Variants in TMEM132C observed in about 807,000 individuals in gnomAD.
TMEM132C encodes the protein transmembrane protein 132C.
In TMEM132C, 29 loss-of-function variants were observed where a neutral mutation model predicts 61.4. That is an observed-to-expected ratio of 0.47 (90% confidence interval 0.35 to 0.64). The LOEUF (loss-of-function observed/expected upper bound fraction) is 0.64, where lower values mean the gene tolerates loss of function less well. Ranked by LOEUF, TMEM132C falls within the 30% of genes least tolerant of loss-of-function variation. The pLI is 0.00. For missense variants in TMEM132C, 1,408 were observed against 1,476.9 expected, an observed-to-expected ratio of 0.95 and a Z score of 0.76; for synonymous variants, 656 against 633.1, an observed-to-expected ratio of 1.04 and a Z score of -0.54.
At chr12:128,555,050 C>T (rs1326432005) in intron 3 of TMEM132C, among the ~76,000 whole-genome samples, 1 of 152,172 alleles carries the variant, frequency 6.6e-6, no homozygotes, top group Non-Finnish European at 1.5e-5. Context: ...TCCCCAAGCT[C>T]CTTAATTCAA....
intron 2 of TMEM132C, among the ~76,000 whole-genome samples, chr12:128,435,356 A>G (rs935720565): frequency 2.6e-5 from 4 of 152,194 alleles, no homozygotes; most frequent in African/African-American, 4.8e-5. Context: ...GAGGAAGTCA[A>G]ATTGTCCCTG....
chr12:128,317,417 A>G (rs141241946), intron 1 of TMEM132C, among the ~76,000 whole-genome samples: 5 of 152,376 alleles, frequency 3.3e-5, no homozygotes, highest in African/African-American at 1.2e-4. Context: ...ATGATGAAAC[A>G]TGAAGGAAGA....
chr12:128,304,847 G>A (rs1871716197), intron 1 of TMEM132C, among the ~76,000 whole-genome samples: 1 of 152,174 alleles, frequency 6.6e-6, no homozygotes, highest in Admixed American at 6.5e-5. Context: ...GTTAGGAAAG[G>A]CTTTTTTGAT....
chr12:128,566,887 C>T (rs1874722428), intron 3 of TMEM132C, among the ~76,000 whole-genome samples: 1 of 152,180 alleles, frequency 6.6e-6, no homozygotes, highest in South Asian at 2.1e-4. Context: ...TAGCATCCAC[C>T]ACCTACAGTT....
intron 2 of TMEM132C, among the ~76,000 whole-genome samples, chr12:128,521,596 C>T (rs1872909322): frequency 6.6e-6 from 1 of 152,092 alleles, no homozygotes; most frequent in African/African-American, 2.4e-5. Context: ...TTATACAGGA[C>T]TAACTAGATG....
At chr12:128,532,855 G>A (rs11059738) in intron 2 of TMEM132C, among the ~76,000 whole-genome samples, 15,719 of 152,040 alleles carry the variant, frequency 0.1, 914 homozygotes, top group Middle Eastern at 0.2. Context: ...ATGCTCCCTG[G>A]ATGAGACGAT....
intron 2 of TMEM132C, among the ~76,000 whole-genome samples, chr12:128,450,015 C>CTCTAA (rs1452598654): frequency 1.3e-5 from 2 of 152,178 alleles, no homozygotes; most frequent in African/African-American, 4.8e-5. Context: ...CTGAGTTTCA[C>CTCTAA]AAGTGAGTTA....
intron 4 of TMEM132C, among the ~76,000 whole-genome samples, chr12:128,631,700 CA>C (rs1478350097): frequency 6.6e-6 from 1 of 152,188 alleles, no homozygotes; most frequent in Non-Finnish European, 1.5e-5. Context: ...GGTGCCTGAA[CA>C]TTTTTAGCCT....
chr12:128,448,168 C>G (rs1870055789), intron 2 of TMEM132C, among the ~76,000 whole-genome samples: 1 of 152,132 alleles, frequency 6.6e-6, no homozygotes, highest in Non-Finnish European at 1.5e-5. Context: ...AAGGTTACAT[C>G]ACTGTTTCAA....
chr12:128,282,058 T>C (rs985287115), intron 1 of TMEM132C, among the ~76,000 whole-genome samples: 3 of 152,250 alleles, frequency 2.0e-5, no homozygotes, highest in Non-Finnish European at 4.4e-5. Flanking sequence ...GTTTTTATGT[T>C]TAAACAAGCT....
intron 4 of TMEM132C, among the ~76,000 whole-genome samples, chr12:128,660,998 C>G (rs1954383575): frequency 6.6e-6 from 1 of 152,020 alleles, no homozygotes; most frequent in Non-Finnish European, 1.5e-5. Flanking sequence ...ACATAGATGA[C>G]AGACTAGATA....
intron 4 of TMEM132C, among the ~76,000 whole-genome samples, chr12:128,617,305 C>T (rs754291675): frequency 7.2e-4 from 110 of 152,304 alleles, no homozygotes; most frequent in Non-Finnish European, 9.4e-4. Flanking sequence ...AAGGTGGCCC[C>T]GGCAATGCCA....
chr12:128,493,130 T>C (rs1282101573), intron 2 of TMEM132C, among the ~76,000 whole-genome samples: 1 of 152,200 alleles, frequency 6.6e-6, no homozygotes, highest in Non-Finnish European at 1.5e-5. Flanking sequence ...TTCTTGTTTT[T>C]GTCAGGTTTG....
chr12:128,443,856 T>G (rs1021782007), intron 2 of TMEM132C, among the ~76,000 whole-genome samples: 1 of 152,222 alleles, frequency 6.6e-6, no homozygotes, highest in African/African-American at 2.4e-5. Flanking sequence ...AGTGGGCTTC[T>G]TCCTGCCATT....
intron 3 of TMEM132C, among the ~76,000 whole-genome samples, chr12:128,614,819 A>G (rs1401408512): frequency 6.6e-6 from 1 of 152,226 alleles, no homozygotes. Context: ...CTCTAGGAGA[A>G]CCACTGAATT....
chr12:128,301,722 T>C (rs1203287841), intron 1 of TMEM132C, among the ~76,000 whole-genome samples: 1 of 152,206 alleles, frequency 6.6e-6, no homozygotes, highest in Non-Finnish European at 1.5e-5. Flanking sequence ...CTTCCAGTAT[T>C]ACTGGTGTCC....
intron 4 of TMEM132C, among the ~76,000 whole-genome samples, chr12:128,625,943 C>T (rs1954011379): frequency 1.3e-5 from 2 of 152,178 alleles, no homozygotes; most frequent in African/African-American, 4.8e-5. Flanking sequence ...CAGCTGCCAC[C>T]AAACTCACAC....
At chr12:128,431,205 G>T (rs976405737) in intron 2 of TMEM132C, among the ~76,000 whole-genome samples, 1 of 152,230 alleles carries the variant, frequency 6.6e-6, no homozygotes, top group African/African-American at 2.4e-5. Context: ...TAGGGGTCTG[G>T]ATGGAAAATC....
At chr12:128,576,461 T>G (rs1875099584) in intron 3 of TMEM132C, among the ~76,000 whole-genome samples, 1 of 152,236 alleles carries the variant, frequency 6.6e-6, no homozygotes, top group Admixed American at 6.5e-5. Flanking sequence ...GTGGGCAGCT[T>G]CTCTTTGTTC....
Sources: gnomAD v4.1 joint callset for allele counts (sites outside exome capture counted in the v4.1 genomes callset) on GRCh38, gnomAD v4.1.1 for gene constraint, MANE v1.5 for transcripts, NCBI Gene and HGNC (gene_info 2026-07-23, HGNC 2026-07-21) for gene names.